Variants in SLC9A9 observed in about 807,000 individuals in gnomAD.
SLC9A9 encodes the protein sodium/hydrogen exchanger 9.
A neutral mutation model predicts 77.8 loss-of-function variants in SLC9A9; 62 were observed. The observed-to-expected ratio is 0.80, with a 90% confidence interval of 0.65 to 0.98. SLC9A9 has a LOEUF of 0.98. Ranked by LOEUF, SLC9A9 falls within the 50% of genes least tolerant of loss-of-function variation. The probability of loss-of-function intolerance (pLI) is 0.00; values close to 1 mark genes in which losing one functional copy is unlikely to be tolerated. For missense variants in SLC9A9, 775 were observed against 774.9 expected, an observed-to-expected ratio of 1.00 and a Z score of 0.00; for synonymous variants, 320 against 283.5, an observed-to-expected ratio of 1.13 and a Z score of -1.29.
intron 2 of SLC9A9, among the ~76,000 whole-genome samples, chr3:143,818,949 T>C (rs992524575): frequency 6.6e-6 from 1 of 151,840 alleles, no homozygotes; most frequent in African/African-American, 2.4e-5. Flanking sequence ...TGGGCATGGT[T>C]GTGCATGCCT....
chr3:143,797,492 G>T (rs1352372347), intron 2 of SLC9A9, among the ~76,000 whole-genome samples: 3 of 152,114 alleles, frequency 2.0e-5, no homozygotes, highest in Non-Finnish European at 2.9e-5. Flanking sequence ...CCTGTGACCT[G>T]CATGGACCAG....
intron 4 of SLC9A9, among the ~76,000 whole-genome samples, chr3:143,791,255 A>G (rs2008215271): frequency 6.6e-6 from 1 of 152,234 alleles, no homozygotes; most frequent in Non-Finnish European, 1.5e-5. Context: ...TCTTGCCAGA[A>G]GGAATATTGT....
intron 1 of SLC9A9, among the ~76,000 whole-genome samples, chr3:143,844,069 AT>A (rs1331913380): frequency 6.6e-6 from 1 of 152,104 alleles, no homozygotes; most frequent in Non-Finnish European, 1.5e-5. Flanking sequence ...AGAAAAACCT[AT>A]TTTTTATATA....
At chr3:143,791,758 C>A (rs2008232289) in intron 4 of SLC9A9, among the ~76,000 whole-genome samples, 1 of 152,164 alleles carries the variant, frequency 6.6e-6, no homozygotes, top group East Asian at 1.9e-4. Context: ...CTGAATCTCT[C>A]CCCCTGCCCA....
At chr3:143,437,348 G>T (rs961472848) in intron 12 of SLC9A9, among the ~76,000 whole-genome samples, 4 of 152,206 alleles carry the variant, frequency 2.6e-5, no homozygotes, top group Non-Finnish European at 5.9e-5. Flanking sequence ...TCAGAATGAA[G>T]GTTGCTTCCA....
At position 143,355,108 on chromosome 3, in the gene SLC9A9, C is replaced by T. The variant is rs577329036; in HGVS notation, c.1604+8376G>A. On this transcript the variant is annotated intron_variant, in intron 14 of 15. Coordinates refer to ENST00000316549, the MANE Select transcript of SLC9A9 (RefSeq NM_173653.4). Reference sequence around the variant, plus strand: ...GAGGACACAAAAGAACAGCTTAACACCCAGCTCCATCCATTTACTCAAAAT... The same window carrying T: ...GAGGACACAAAAGAACAGCTTAACATCCAGCTCCATCCATTTACTCAAAAT... Among the ~76,000 whole-genome samples the T allele has an allele frequency of 6.6e-5, 10 of 152,304 alleles. No individual in the cohort carries two copies. In the East Asian group the frequency reaches 1.7e-3, roughly 26 times the overall value.
chr3:143,269,086 C>G, intron 14 of SLC9A9, 106 bp from the exon 15 acceptor site: 1 of 816,998 alleles, frequency 1.2e-6, no homozygotes, highest in Non-Finnish European at 2.1e-6. Context: ...CCTTTAAATC[C>G]CCTACTCCCT....
At chr3:143,418,764 T>A (rs1029139509) in intron 12 of SLC9A9, among the ~76,000 whole-genome samples, 1 of 152,172 alleles carries the variant, frequency 6.6e-6, no homozygotes, top group African/African-American at 2.4e-5. Context: ...AGTCTTGAGA[T>A]CATGAATTTA....
chr3:143,813,544 C>G (rs147489606), intron 2 of SLC9A9, among the ~76,000 whole-genome samples: 1,999 of 152,246 alleles, frequency 0.013, 14 homozygotes, highest in Non-Finnish European at 0.02. Context: ...CTCTTCCTCC[C>G]GCTCCCAAAC....
intron 14 of SLC9A9, among the ~76,000 whole-genome samples, chr3:143,270,784 A>G (rs957734878): frequency 6.6e-6 from 1 of 152,248 alleles, no homozygotes; most frequent in Non-Finnish European, 1.5e-5. Flanking sequence ...TTACAAAAGT[A>G]AAATATAAGT....
intron 12 of SLC9A9, among the ~76,000 whole-genome samples, chr3:143,442,632 G>A (rs1312563771): frequency 7.2e-5 from 11 of 152,200 alleles, no homozygotes. Context: ...GAGGGAGGGA[G>A]AATTGCTTGA....
At chr3:143,457,002 C>T (rs2035105933) in intron 12 of SLC9A9, among the ~76,000 whole-genome samples, 1 of 152,066 alleles carries the variant, frequency 6.6e-6, no homozygotes, top group Non-Finnish European at 1.5e-5. Flanking sequence ...GTAGTATTCC[C>T]TTATCATCAG....
chr3:143,614,722 G>A (rs1169379399), intron 6 of SLC9A9, among the ~76,000 whole-genome samples: 6 of 152,126 alleles, frequency 3.9e-5, no homozygotes, highest in Non-Finnish European at 5.9e-5. Flanking sequence ...ATGGGGAATC[G>A]AATGAACAAT....
chr3:143,315,115 T>G (rs928214594), intron 14 of SLC9A9, among the ~76,000 whole-genome samples: 6 of 152,186 alleles, frequency 3.9e-5, no homozygotes, highest in Admixed American at 1.3e-4. Flanking sequence ...AATTGGGCAG[T>G]CTTAGAACAT....
chr3:143,619,388 G>A (rs57392648), intron 6 of SLC9A9, among the ~76,000 whole-genome samples: 16,485 of 152,212 alleles, frequency 0.11, 1,052 homozygotes, highest in Non-Finnish European at 0.14. Flanking sequence ...GGAAGCTTAC[G>A]CAAAGCAAAC....
At chr3:143,550,087 C>T (rs1246410843) in intron 9 of SLC9A9, among the ~76,000 whole-genome samples, 3 of 152,036 alleles carry the variant, frequency 2.0e-5, no homozygotes, top group East Asian at 1.9e-4. Context: ...AGGGTGACCT[C>T]GCAGAGTCCC....
chr3:143,744,749 G>T (rs536928477), intron 4 of SLC9A9, among the ~76,000 whole-genome samples: 13 of 152,258 alleles, frequency 8.5e-5, no homozygotes, highest in African/African-American at 3.1e-4. Flanking sequence ...CCTGAATCAG[G>T]CAAATGAATA....
At chr3:143,745,705 A>AGTTT (rs1443382184) in intron 4 of SLC9A9, among the ~76,000 whole-genome samples, 2 of 152,224 alleles carry the variant, frequency 1.3e-5, no homozygotes, top group African/African-American at 4.8e-5. Flanking sequence ...CAGGTGCCAA[A>AGTTT]GTTTACATCT....
intron 12 of SLC9A9, among the ~76,000 whole-genome samples, chr3:143,417,085 G>C (rs537725432): frequency 2.0e-5 from 3 of 152,228 alleles, no homozygotes; most frequent in Non-Finnish European, 4.4e-5. Flanking sequence ...TCTAAAGAGA[G>C]ATACTGATGA....
Sources: allele counts gnomAD v4.1 joint callset (sites outside exome capture counted in the v4.1 genomes callset), GRCh38; gene constraint gnomAD v4.1.1; transcripts MANE v1.5; gene names NCBI Gene and HGNC (gene_info 2026-07-23, HGNC 2026-07-21).